PRMT8: variants seen among roughly 807,000 people sequenced by gnomAD.
The protein encoded by PRMT8 is protein arginine N-methyltransferase 8.
PRMT8 carries 7 observed loss-of-function variants against 47.1 expected under a neutral mutation model. That is an observed-to-expected ratio of 0.15 (90% CI 0.08 to 0.28). The LOEUF (loss-of-function observed/expected upper bound fraction) is 0.28, where lower values mean the gene tolerates loss of function less well. Among genes scored for constraint, PRMT8 ranks in the 10% least tolerant of loss-of-function variants. The probability of loss-of-function intolerance (pLI) is 1.00; values close to 1 mark genes in which losing one functional copy is unlikely to be tolerated. For synonymous variants in PRMT8, 188 were observed against 186.5 expected (o/e 1.01, Z -0.07); for missense variants, 237 against 505.4 (o/e 0.47, Z 5.09).
intron 4 of PRMT8, among the ~76,000 whole-genome samples, chr12:3,567,956 C>A (rs1474375998): frequency 6.6e-6 from 1 of 151,982 alleles, no homozygotes; most frequent in Non-Finnish European, 1.5e-5. Flanking sequence ...GCCTGTAATC[C>A]CAGCTACTTG....
At chr12:3,571,113 C>T (rs1162522533) in intron 6 of PRMT8, among the ~76,000 whole-genome samples, 3 of 152,150 alleles carry the variant, frequency 2.0e-5, no homozygotes, top group Non-Finnish European at 4.4e-5. Context: ...AGTTCTTGGT[C>T]CTATAATGGG....
chr12:3,526,202 T>C (rs537409263), intron 1 of PRMT8, among the ~76,000 whole-genome samples: 1 of 152,358 alleles, frequency 6.6e-6, no homozygotes, highest in East Asian at 1.9e-4. Flanking sequence ...AGATTTTTCT[T>C]CCTTTTTAAG....
chr12:3,439,647 A>G (rs1864778511), intron 1 of PRMT8, among the ~76,000 whole-genome samples: 1 of 152,168 alleles, frequency 6.6e-6, no homozygotes, highest in Non-Finnish European at 1.5e-5. Context: ...CAGGAGTTCA[A>G]TGTTATAACT....
rs79342162 is a variant in PRMT8 at position 3,557,539 on chromosome 12, G to A, written c.481+3825G>A. Among the ~76,000 whole-genome samples the A allele has an allele frequency of 4.1e-3, 624 of 152,312 alleles. 6 individuals are homozygous for A. Among genetic ancestry groups the A allele is most frequent in the African/African-American group, 0.014 (579 of 41,574 alleles). ...AGCCTTTCTTGGCTCACCCAGCGGA[G>A]CTGGGTCTCTTCTGTGCCCTCCTCA... On this transcript the variant is annotated intron_variant, in intron 4 of 9. Transcript: ENST00000382622. The surrounding 1 kb of genome is among the most constrained non-coding windows in gnomAD (Gnocchi z 4.7).
At chr12:3,393,150 C>G (rs1277041009) in intron 1 of PRMT8, among the ~76,000 whole-genome samples, 12 of 151,954 alleles carry the variant, frequency 7.9e-5, no homozygotes. Flanking sequence ...AAATTTTCTC[C>G]CATTTTGTAG....
At chr12:3,458,869 T>A (rs1402397682) in intron 1 of PRMT8, among the ~76,000 whole-genome samples, 1 of 152,198 alleles carries the variant, frequency 6.6e-6, no homozygotes, top group Non-Finnish European at 1.5e-5. Context: ...GGGGAGGTTT[T>A]CCCAAGCCCC....
chr12:3,450,469 G>A (rs1030746595), intron 1 of PRMT8, among the ~76,000 whole-genome samples: 1 of 152,194 alleles, frequency 6.6e-6, no homozygotes, highest in Non-Finnish European at 1.5e-5. Flanking sequence ...AGCAGATGCA[G>A]GTTTTCCAAA....
At chr12:3,429,841 C>G (rs1276114738) in intron 1 of PRMT8, among the ~76,000 whole-genome samples, 12 of 152,244 alleles carry the variant, frequency 7.9e-5, no homozygotes, top group Admixed American at 7.8e-4. Flanking sequence ...CCCAGGAGTG[C>G]TCTTTGGATC....
Position 3,508,489 on chromosome 12 carries a change from T to C in PRMT8, c.75+16789T>C, listed in dbSNP as rs1865665732. Among the ~76,000 whole-genome samples, 1 of 152,194 alleles carries C rather than the reference T, an allele frequency of 6.6e-6. No homozygotes were observed. The highest frequency in any genetic ancestry group is 6.5e-5 in the Admixed American group (1 of 15,282). ...GAGTGTGTTTCCTGTGAGAAACATG[T>C]TAAGGTGAGGCCGGGCGTGGGAATA... On this transcript the variant is annotated intron_variant, in intron 1 of 9. Transcript: ENST00000382622. The surrounding 1 kb of genome is among the most constrained non-coding windows in gnomAD (Gnocchi z 4.9).
chr12:3,571,884 C>G (rs1415930110), intron 6 of PRMT8, among the ~76,000 whole-genome samples: 2 of 152,158 alleles, frequency 1.3e-5, no homozygotes, highest in Non-Finnish European at 2.9e-5. Context: ...ACAAAGGTTG[C>G]TGGTTGCTAA....
chr12:3,570,858 A>G lies in PRMT8; in HGVS notation c.712+1294A>G, dbSNP rs942015725. Among the ~76,000 whole-genome samples the G allele has an allele frequency of 6.6e-6, 1 of 152,144 alleles. No individual in the cohort carries two copies. Among genetic ancestry groups the G allele is most frequent in the Non-Finnish European group, 1.5e-5 (1 of 68,018 alleles). On this transcript the variant is annotated intron_variant, in intron 6 of 9. Coordinates refer to ENST00000382622, the MANE Select transcript of PRMT8 (RefSeq NM_019854.5). The surrounding 1 kb of genome is among the most constrained non-coding windows in gnomAD (Gnocchi z 5.5). ...CTCCAGCCAATCTGGTGTGATTTCCACTATTTGACCTCCTGGGGGAAGGAG... is the reference window on the plus strand; with the variant it reads ...CTCCAGCCAATCTGGTGTGATTTCCGCTATTTGACCTCCTGGGGGAAGGAG...
At chr12:3,434,794 G>A (rs1278884313) in intron 1 of PRMT8, among the ~76,000 whole-genome samples, 1 of 151,580 alleles carries the variant, frequency 6.6e-6, no homozygotes, top group Non-Finnish European at 1.5e-5. Flanking sequence ...CTCACAGGGT[G>A]CAAGAGTTTA....
intron 1 of PRMT8, among the ~76,000 whole-genome samples, chr12:3,433,362 G>A (rs1864703446): frequency 6.6e-6 from 1 of 152,152 alleles, no homozygotes; most frequent in Admixed American, 6.5e-5. Context: ...GTCAGCTAGG[G>A]TTTTTCTTTT....
In PRMT8 at chr12:3,514,156, G is replaced by C. The variant is rs560754630; in HGVS notation, c.75+22456G>C. Among the ~76,000 whole-genome samples, 2 of 151,930 alleles carry C rather than the reference G, an allele frequency of 1.3e-5. No homozygotes were observed. Among genetic ancestry groups the C allele is most frequent in the African/African-American group, 4.8e-5 (2 of 41,320 alleles). On this transcript the variant is annotated intron_variant, in intron 1 of 9. Transcript: ENST00000382622. This position sits in a 1 kb window ranked among gnomAD's most constrained non-coding sequence, Gnocchi z 5.9. ...CAAAGTCAGGCTGTGAGCCCTGACT[G>C]TTCCATGTGTCAGGCTGCCGTGCAG...
intron 8 of PRMT8, among the ~76,000 whole-genome samples, chr12:3,586,954 C>T (rs540715252): frequency 4.6e-5 from 7 of 152,290 alleles, no homozygotes; most frequent in East Asian, 3.9e-4. Context: ...CGCGTGTCAG[C>T]GTGGGGGCTC....
chr12:3,567,944 A>ATG (rs1866753486), intron 4 of PRMT8, among the ~76,000 whole-genome samples: 1 of 152,072 alleles, frequency 6.6e-6, no homozygotes, highest in Non-Finnish European at 1.5e-5. Flanking sequence ...GTGGTGGCAC[A>ATG]TGCCTGTAAT....
At chr12:3,485,320 G>A (rs1009456200) in intron 1 of PRMT8, among the ~76,000 whole-genome samples, 1 of 152,128 alleles carries the variant, frequency 6.6e-6, no homozygotes, top group African/African-American at 2.4e-5. Flanking sequence ...CTCCTCAAGT[G>A]CGTGATCCAG....
chr12:3,592,491 G>T lies in PRMT8; in HGVS notation c.1101+139G>T, dbSNP rs1867329738. ...AGGCAGGCAGTCGGTAGCCACATGT[G>T]GACATGACTAGGCCTAATTGAGGGA... On this transcript the variant is annotated intron_variant, in intron 9 of 9. Transcript: ENST00000382622. The T allele has an allele frequency of 5.5e-6, 5 of 913,368 alleles. No individual in the cohort carries two copies. The South Asian group carries it at 9.1e-5, about 17-fold the overall frequency. The allele number at this position is 913,368 out of a possible 1,614,324, so 56.6% of individuals were successfully genotyped here.
chr12:3,488,932 G>A (rs1865347029), upstream of PRMT8, among the ~76,000 whole-genome samples: 1 of 152,122 alleles, frequency 6.6e-6, no homozygotes, highest in South Asian at 2.1e-4. Context: ...TTCTTAGGTG[G>A]TTACATAGCA....
Sources: allele counts gnomAD v4.1 joint callset (sites outside exome capture counted in the v4.1 genomes callset), GRCh38; gene constraint gnomAD v4.1.1; non-coding constraint Gnocchi (gnomAD v3.1); transcripts MANE v1.5; gene names NCBI Gene and HGNC (gene_info 2026-07-23, HGNC 2026-07-21).